FSIP1: variants seen among roughly 807,000 people sequenced by gnomAD.
The protein encoded by FSIP1 is fibrous sheath interacting protein 1, also known as fibrous sheath-interacting protein 1.
In FSIP1, 65 loss-of-function variants were observed where a neutral mutation model predicts 60.9. The ratio of observed to expected loss-of-function variants is 1.07; its 90% CI spans 0.87 to 1.31. The LOEUF (loss-of-function observed/expected upper bound fraction) is 1.31, where lower values mean the gene tolerates loss of function less well. Among genes scored for constraint, FSIP1 ranks in the 40% most tolerant of loss-of-function variants. FSIP1 has a pLI of 0.00. For missense variants in FSIP1, 675 were observed against 665.5 expected, an observed-to-expected ratio of 1.01 and a Z score of -0.16; for synonymous variants, 209 against 221.2, an observed-to-expected ratio of 0.94 and a Z score of 0.49.
intron 10 of FSIP1, among the ~76,000 whole-genome samples, chr15:39,640,722 A>T (rs1219304084): frequency 7.5e-6 from 1 of 134,082 alleles, no homozygotes; most frequent in African/African-American, 3.3e-5. Flanking sequence ...AAGAAGATTT[A>T]CAGACAAAAA....
downstream of FSIP1, chr15:39,598,144 G>A (rs2140354834): frequency 6.6e-6 from 1 of 152,332 alleles, no homozygotes; most frequent in South Asian, 2.1e-4. Context: ...AATTATGAAT[G>A]TGGAATACTG....
At chr15:39,690,829 C>G (rs1419033929) in intron 10 of FSIP1, among the ~76,000 whole-genome samples, 1 of 152,174 alleles carries the variant, frequency 6.6e-6, no homozygotes, top group Non-Finnish European at 1.5e-5. Flanking sequence ...TGCCAGAAAC[C>G]CAGGCTCAGC....
chr15:39,762,497 C>A (rs1897535516), intron 5 of FSIP1, among the ~76,000 whole-genome samples: 1 of 152,140 alleles, frequency 6.6e-6, no homozygotes, highest in Non-Finnish European at 1.5e-5. Flanking sequence ...AGACACATTC[C>A]AATGTTCCAA....
intron 10 of FSIP1, among the ~76,000 whole-genome samples, chr15:39,693,942 C>CA (rs925487330): frequency 8.0e-5 from 12 of 150,246 alleles, no homozygotes; most frequent in Admixed American, 4.6e-4. Flanking sequence ...ATTCTCATCA[C>CA]AAAAAAAAAT....
chr15:39,619,450 C>T (rs1179576423), intron 10 of FSIP1, among the ~76,000 whole-genome samples: 1 of 151,554 alleles, frequency 6.6e-6, no homozygotes, highest in African/African-American at 2.4e-5. Flanking sequence ...GGTGACTGAC[C>T]CTAAGGTTAA....
rs1248327019 is a variant in FSIP1, at chr15:39,770,611, C to T, written c.127-1G>A. ...AGTTCAAGTTGCTTGCAGTATCGAC[C>T]TAAAAATAATTTCAAAAAAAAAACA... On this transcript the variant is annotated splice_acceptor_variant, in intron 2 of 11. Transcript: ENST00000350221. LOFTEE classifies it high-confidence loss of function. 16 of 1,469,318 alleles carry T rather than the reference C, an allele frequency of 1.1e-5. No individual in the cohort carries two copies. The highest frequency in any genetic ancestry group is 1.4e-5 in the Non-Finnish European group (16 of 1,106,960). 91.0% of individuals were successfully genotyped at this position (1,469,318 alleles called of 1,614,324 possible).
At chr15:39,740,464 G>T (rs1024681208) in intron 6 of FSIP1, among the ~76,000 whole-genome samples, 3 of 152,046 alleles carry the variant, frequency 2.0e-5, no homozygotes, top group African/African-American at 7.2e-5. Flanking sequence ...TCTATGTGTC[G>T]CATTAAAATA....
intron 2 of FSIP1, among the ~76,000 whole-genome samples, chr15:39,774,955 G>C (rs1422117714): frequency 1.3e-5 from 2 of 152,148 alleles, no homozygotes; most frequent in Non-Finnish European, 2.9e-5. Context: ...TCCCTTTCTT[G>C]CTGGTCACCT....
chr15:39,677,431 C>A (rs1432062966), intron 10 of FSIP1, among the ~76,000 whole-genome samples: 2 of 151,798 alleles, frequency 1.3e-5, no homozygotes, highest in East Asian at 3.9e-4. Context: ...CTTGTTGTAT[C>A]CCAAGGGTGT....
At chr15:39,744,122 G>A (rs1039966052) in intron 5 of FSIP1, among the ~76,000 whole-genome samples, 10 of 152,160 alleles carry the variant, frequency 6.6e-5, no homozygotes, top group Non-Finnish European at 1.5e-5. Context: ...TGTGGAGAGG[G>A]AAAGAGAAAA....
At chr15:39,609,951 T>A (rs1002314792) in intron 11 of FSIP1, among the ~76,000 whole-genome samples, 1 of 152,144 alleles carries the variant, frequency 6.6e-6, no homozygotes, top group Non-Finnish European at 1.5e-5. Flanking sequence ...AGCTGGCCTA[T>A]CCATAATCAA....
intron 9 of FSIP1, among the ~76,000 whole-genome samples, chr15:39,725,933 C>T (rs1361567816): frequency 6.6e-6 from 1 of 152,030 alleles, no homozygotes; most frequent in Non-Finnish European, 1.5e-5. Context: ...TACAAGCATG[C>T]ACCACCACAC....
At chr15:39,646,923 G>A (rs1327309489) in intron 10 of FSIP1, among the ~76,000 whole-genome samples, 9 of 152,024 alleles carry the variant, frequency 5.9e-5, no homozygotes, top group Admixed American at 2.0e-4. Context: ...TTTGCCACAC[G>A]AATGAACATG....
chr15:39,744,746 CTG>C (rs1491487388), intron 5 of FSIP1, among the ~76,000 whole-genome samples: 59 of 140,232 alleles, frequency 4.2e-4, no homozygotes, highest in Non-Finnish European at 7.7e-4. Context: ...GTCTGTCTGT[CTG>C]TCTCTCTCTC....
chr15:39,665,397 T>C (rs1375961073), intron 10 of FSIP1, among the ~76,000 whole-genome samples: 1 of 152,138 alleles, frequency 6.6e-6, no homozygotes, highest in East Asian at 1.9e-4. Context: ...CCCTACTTTT[T>C]CAAAAGAAAT....
chr15:39,708,566 T>C (rs1158959591), intron 10 of FSIP1, among the ~76,000 whole-genome samples: 3 of 152,142 alleles, frequency 2.0e-5, no homozygotes, highest in Non-Finnish European at 2.9e-5. Context: ...GTGATTTTTC[T>C]ACCAAACCAC....
At chr15:39,633,646 G>A (rs372831209) in intron 10 of FSIP1, among the ~76,000 whole-genome samples, 5 of 152,120 alleles carry the variant, frequency 3.3e-5, no homozygotes, top group Non-Finnish European at 5.9e-5. Context: ...ATCTTTAGAC[G>A]TAGTTAATTG....
intron 10 of FSIP1, among the ~76,000 whole-genome samples, chr15:39,678,801 C>T (rs1388989497): frequency 6.6e-6 from 1 of 152,110 alleles, no homozygotes; most frequent in Admixed American, 6.5e-5. Flanking sequence ...AATCACATAG[C>T]CTCAGTCTGC....
chr15:39,757,034 G>C (rs1465089626), intron 5 of FSIP1, among the ~76,000 whole-genome samples: 3 of 151,934 alleles, frequency 2.0e-5, no homozygotes, highest in Non-Finnish European at 4.4e-5. Flanking sequence ...ATGCTTTAAG[G>C]CTTTTTAAAG....
Sources: gnomAD v4.1 joint callset for allele counts (sites outside exome capture counted in the v4.1 genomes callset) on GRCh38, gnomAD v4.1.1 for gene constraint, MANE v1.5 for transcripts, NCBI Gene and HGNC (gene_info 2026-07-23, HGNC 2026-07-21) for gene names.